Variants in PCDH15 observed in about 807,000 individuals in gnomAD.
PCDH15 encodes protocadherin related 15.
In PCDH15, 129 loss-of-function variants were observed where a neutral mutation model predicts 178.5. The observed-to-expected ratio is 0.72, with a 90% CI of 0.63 to 0.84. The LOEUF is 0.84. Among genes scored for constraint, PCDH15 ranks in the 40% least tolerant of loss-of-function variants. PCDH15 has a pLI of 0.00. For synonymous variants in PCDH15, 800 were observed against 732.0 expected (o/e 1.09, Z -1.50); for missense variants, 2,230 against 2,099.9 (o/e 1.06, Z -1.21).
chr10:55,111,305 T>G (rs990131887), intron 2 of PCDH15, among the ~76,000 whole-genome samples: 2 of 152,196 alleles, frequency 1.3e-5, no homozygotes, highest in South Asian at 2.1e-4. Context: ...AATGGGAAAG[T>G]GTACATTGAC....
intron 3 of PCDH15, among the ~76,000 whole-genome samples, chr10:54,448,530 C>A (rs1168131839): frequency 6.6e-6 from 1 of 151,508 alleles, no homozygotes; most frequent in Non-Finnish European, 1.5e-5. Flanking sequence ...TAATGTACAT[C>A]ATTAAGAAGA....
chr10:54,179,068 A>G lies in PCDH15; in HGVS notation c.1590+4376T>C, dbSNP rs530047116. Among the ~76,000 whole-genome samples, 21 of 152,166 alleles carry G rather than the reference A, an allele frequency of 1.4e-4. No homozygotes were observed. In the South Asian group the frequency reaches 3.3e-3, roughly 24 times the overall value. The stretch of plus-strand genomic sequence containing the variant: ...TTTGACCCAGCCATCCCATTACTGG[A>G]TATATACCCAAAGGACTATAAATCA... On this transcript the variant is annotated intron_variant, in intron 13 of 37. Coordinates refer to ENST00000644397, the MANE Select transcript of PCDH15 (RefSeq NM_001384140.1).
chr10:54,332,957 T>G (rs1940167965), intron 6 of PCDH15, among the ~76,000 whole-genome samples: 1 of 152,130 alleles, frequency 6.6e-6, no homozygotes, highest in South Asian at 2.1e-4. Context: ...ATTTATTTAT[T>G]GAGATGGATG....
At chr10:54,755,956 C>T (rs1211187037) in intron 1 of PCDH15, among the ~76,000 whole-genome samples, 1 of 151,920 alleles carries the variant, frequency 6.6e-6, no homozygotes, top group Non-Finnish European at 1.5e-5. Context: ...CGCGGTAGCT[C>T]ATACCTGTAA....
intron 6 of PCDH15, among the ~76,000 whole-genome samples, chr10:54,341,207 C>T (rs541032262): frequency 6.5e-4 from 99 of 152,136 alleles, no homozygotes; most frequent in Non-Finnish European, 1.1e-3. Flanking sequence ...GCTCTGTGTC[C>T]CCACCCAAAA....
intron 2 of PCDH15, among the ~76,000 whole-genome samples, chr10:55,429,920 T>C (rs150340344): frequency 6.6e-6 from 1 of 152,312 alleles, no homozygotes; most frequent in East Asian, 1.9e-4. Context: ...TATATAGTTT[T>C]AATTCCCCAA....
intron 1 of PCDH15, among the ~76,000 whole-genome samples, chr10:54,712,204 A>C (rs528365999): frequency 3.2e-4 from 49 of 152,022 alleles, no homozygotes; most frequent in African/African-American, 1.2e-3. Context: ...AGAGACAAAG[A>C]AAATCTATTG....
rs184027547 is a variant in PCDH15 at position 55,083,783 on chromosome 10, C to A, written c.-80+82793G>T. On this transcript the variant is annotated intron_variant, in intron 2 of 5. Coordinates refer to the PCDH15 transcript ENST00000458638. Reference sequence around the variant, plus strand: ...TTTCTACATGAAAACAGCAAACAATCTGAAAAAGAACTCAAGAAAGTAATC... The same window carrying A: ...TTTCTACATGAAAACAGCAAACAATATGAAAAAGAACTCAAGAAAGTAATC... 4.6e-4 allele frequency among the ~76,000 whole-genome samples: 70 copies of A among 151,752 alleles called. No individual in the cohort carries two copies. In the East Asian group the frequency reaches 0.013, roughly 29 times the overall value.
chr10:54,692,576 T>G (rs1214299237), intron 1 of PCDH15, among the ~76,000 whole-genome samples: 2 of 152,142 alleles, frequency 1.3e-5, no homozygotes, highest in Non-Finnish European at 2.9e-5. Flanking sequence ...AGAAAAGAGT[T>G]CACAAATAAA....
At chr10:55,486,553 C>G (rs1840302987) in intron 2 of PCDH15, among the ~76,000 whole-genome samples, 1 of 151,524 alleles carries the variant, frequency 6.6e-6, no homozygotes, top group Non-Finnish European at 1.5e-5. Flanking sequence ...ATGAATTAGT[C>G]TTGTCCATAT....
chr10:55,157,563 C>A (rs1438071435), intron 2 of PCDH15, among the ~76,000 whole-genome samples: 2 of 150,282 alleles, frequency 1.3e-5, no homozygotes, highest in African/African-American at 2.5e-5. Context: ...CCCAAATGTC[C>A]AACAATGATA....
At chr10:55,230,389 T>A (rs1185615364) in intron 1 of PCDH15, among the ~76,000 whole-genome samples, 1 of 152,086 alleles carries the variant, frequency 6.6e-6, no homozygotes, top group Non-Finnish European at 1.5e-5. Context: ...CAGAGGCTTG[T>A]TAGTGATTTA....
rs193250657 is a variant in PCDH15, at chr10:54,406,369, G to A, written c.158-27427C>T. Among the ~76,000 whole-genome samples the A allele has an allele frequency of 3.1e-3, 464 of 152,128 alleles. 1 individual carries two copies. Among genetic ancestry groups the A allele is most frequent in the Non-Finnish European group, 5.0e-3 (342 of 67,972 alleles). On this transcript the variant is annotated intron_variant, in intron 3 of 37. Coordinates refer to ENST00000644397, the MANE Select transcript of PCDH15 (RefSeq NM_001384140.1). ...TAAATAAATAAATGGACTAGAATAG[G>A]TAGGAATTAGTCAACTTTATCCTTA...
At chr10:54,865,705 A>G (rs1953926786) in intron 3 of PCDH15, among the ~76,000 whole-genome samples, 1 of 152,186 alleles carries the variant, frequency 6.6e-6, no homozygotes, top group African/African-American at 2.4e-5. Context: ...GACAAAAATC[A>G]AAGCTAGACA....
intron 8 of PCDH15, among the ~76,000 whole-genome samples, chr10:54,269,412 T>C (rs1283638590): frequency 1.3e-5 from 2 of 151,956 alleles, no homozygotes; most frequent in African/African-American, 2.4e-5. Flanking sequence ...AGCAATGATC[T>C]GCAAGGTGTT....
At chr10:54,096,373 A>T (rs1365233453) in intron 15 of PCDH15, among the ~76,000 whole-genome samples, 1 of 152,076 alleles carries the variant, frequency 6.6e-6, no homozygotes, top group Non-Finnish European at 1.5e-5. Context: ...TAAGCATTAT[A>T]CTGCATTAAC....
chr10:55,517,625 C>T (rs1272225215), intron 2 of PCDH15, among the ~76,000 whole-genome samples: 2 of 152,056 alleles, frequency 1.3e-5, no homozygotes, highest in African/African-American at 4.8e-5. Flanking sequence ...AACTATCATG[C>T]GTTCCAGCAA....
At chr10:55,217,590 A>G (rs1840742922) in intron 1 of PCDH15, among the ~76,000 whole-genome samples, 1 of 151,958 alleles carries the variant, frequency 6.6e-6, no homozygotes, top group South Asian at 2.1e-4. Flanking sequence ...CAAAGCTATT[A>G]TTGATCAAGG....
At chr10:54,875,631 G>T (rs1351500521) in intron 3 of PCDH15, among the ~76,000 whole-genome samples, 2 of 152,164 alleles carry the variant, frequency 1.3e-5, no homozygotes, top group African/African-American at 2.4e-5. Flanking sequence ...TGATATGGAA[G>T]AAGTTTGAAA....
Sources: allele counts gnomAD v4.1 joint callset (sites outside exome capture counted in the v4.1 genomes callset), GRCh38; gene constraint gnomAD v4.1.1; transcripts MANE v1.5; gene names NCBI Gene and HGNC (gene_info 2026-07-23, HGNC 2026-07-21).